The following SLC66A2 variants were observed in gnomAD, a reference collection of about 807,000 sequenced individuals.
SLC66A2 encodes solute carrier family 66 member 2, also known as PQ loop repeat containing 1.
A neutral mutation model predicts 25.5 loss-of-function variants in SLC66A2; 23 were observed. That is an observed-to-expected ratio of 0.90 (90% confidence interval 0.65 to 1.28). SLC66A2 has a LOEUF of 1.28. Among genes scored for constraint, SLC66A2 ranks in the 50% most tolerant of loss-of-function variants. The pLI, the probability that SLC66A2 is intolerant of heterozygous loss-of-function variation, is 0.00. For missense variants in SLC66A2, 396 were observed against 373.1 expected (o/e 1.06, Z -0.51); for synonymous variants, 193 against 166.5 (o/e 1.16, Z -1.23).
At chr18:79,945,176 G>A (rs2050886599) in intron 2 of SLC66A2, 2 of 152,354 alleles carry the variant, frequency 1.3e-5, no homozygotes, top group South Asian at 2.1e-4. Flanking sequence ...GTTCTCCTGG[G>A]AGGACAGGGA....
intron 5 of SLC66A2, among the ~76,000 whole-genome samples, chr18:79,908,068 A>T (rs1982389154): frequency 6.6e-6 from 1 of 152,072 alleles, no homozygotes; most frequent in African/African-American, 2.4e-5. Flanking sequence ...AAACCCCACC[A>T]GACAATGTTA....
In SLC66A2 at chr18:79,903,165, T is replaced by C. The variant is rs1236364360; in HGVS notation, c.*811A>G. The C allele has an allele frequency of 6.6e-6, 1 of 152,338 alleles. No individual in the cohort carries two copies. The highest frequency in any genetic ancestry group is 1.9e-4 in the East Asian group (1 of 5,190). 9.4% of individuals were successfully genotyped at this position (152,338 alleles called of 1,614,324 possible). ...CCGCCAGCAGAGCCCAAGAGTGGCG[T>C]GCAGACTGCATGTGCACAGCCTCAG... On this transcript the variant is annotated 3_prime_UTR_variant, in exon 6 of 6. Transcript: ENST00000397778.
chr18:79,936,515 A>T (rs1408293982), intron 3 of SLC66A2, among the ~76,000 whole-genome samples: 1 of 152,214 alleles, frequency 6.6e-6, no homozygotes, highest in African/African-American at 2.4e-5. Context: ...GAAACCCTTG[A>T]CTAACCAGCA....
At position 79,950,736 on chromosome 18, in the gene SLC66A2, C is replaced by T. The variant is rs1484369347; in HGVS notation, c.191G>A (p.Arg64Gln). 6.2e-7 allele frequency: 1 copy of T among 1,613,052 alleles called. No homozygotes were observed. Among genetic ancestry groups the T allele is most frequent in the African/African-American group, 1.3e-5 (1 of 74,942 alleles). The change falls in exon 2 of 6, where the codon CGG becomes CAG. Residue 64 changes from arginine to glutamine, a missense_variant. Coordinates refer to ENST00000397778, the MANE Select transcript of SLC66A2 (RefSeq NM_025078.5). ...CLVLLVANIL[R>Q]ILFWFGRRFE... ...GCCCCCAACTTACCAGAAGAGTATC[C>T]GCAAAATGTTGGCCACCAGCAGCAC...
chr18:79,928,256 C>G (rs1986205148), intron 4 of SLC66A2, among the ~76,000 whole-genome samples: 1 of 152,240 alleles, frequency 6.6e-6, no homozygotes, highest in African/African-American at 2.4e-5. Flanking sequence ...TTTTGGGCTA[C>G]CTACTTCTAA....
rs1599616861 is a variant in SLC66A2, at chr18:79,934,131, A to T, written c.338-109T>A. 5.5e-6 allele frequency: 4 copies of T among 729,378 alleles called. No individual in the cohort carries two copies. The East Asian group carries it at 1.3e-4, about 23-fold the overall frequency. The allele number at this position is 729,378 out of a possible 1,614,324, so 45.2% of individuals were successfully genotyped here. Reference sequence around the variant, plus strand: ...CCCAGAACTTTTTGCATTTCTTTAAAAAAAAAAAAACAAACCAGAATAGAA... The same window carrying T: ...CCCAGAACTTTTTGCATTTCTTTAATAAAAAAAAAACAAACCAGAATAGAA... On this transcript the variant is annotated intron_variant, in intron 3 of 5. Coordinates refer to ENST00000397778, the MANE Select transcript of SLC66A2 (RefSeq NM_025078.5).
chr18:79,905,875 A>C (rs1426617525), intron 5 of SLC66A2, among the ~76,000 whole-genome samples: 1 of 152,164 alleles, frequency 6.6e-6, no homozygotes, highest in Non-Finnish European at 1.5e-5. Flanking sequence ...CTGTAAACAC[A>C]CACACACCCA....
At chr18:79,905,883 C>A (rs1203215206) in intron 5 of SLC66A2, among the ~76,000 whole-genome samples, 1 of 152,158 alleles carries the variant, frequency 6.6e-6, no homozygotes, top group Non-Finnish European at 1.5e-5. Context: ...ACACACACAC[C>A]CACACACAGA....
chr18:79,911,102 GC>G (rs755579840), intron 5 of SLC66A2, among the ~76,000 whole-genome samples: 1 of 152,240 alleles, frequency 6.6e-6, no homozygotes, highest in African/African-American at 2.4e-5. Flanking sequence ...GAAGAGCAGA[GC>G]CTGGAACAGC....
chr18:79,944,069 C>T (rs1444052469), intron 2 of SLC66A2: 1 of 157,174 alleles, frequency 6.4e-6, no homozygotes, highest in Non-Finnish European at 1.4e-5. Context: ...GTAAGACCCC[C>T]ATACAGCCTG....
intron 3 of SLC66A2, among the ~76,000 whole-genome samples, chr18:79,939,908 A>G (rs536513300): frequency 6.6e-6 from 1 of 152,366 alleles, no homozygotes; most frequent in Admixed American, 6.5e-5. Context: ...CTATAGACAC[A>G]TGCACACATA....
chr18:79,945,843 T>C (rs568518296), intron 2 of SLC66A2, among the ~76,000 whole-genome samples: 1 of 152,278 alleles, frequency 6.6e-6, no homozygotes, highest in East Asian at 1.9e-4. Flanking sequence ...TCCAGGGCCG[T>C]TCTCCACTGG....
rs113759560 is a variant in SLC66A2, at chr18:79,950,715, C to T, written c.203+9G>A. 26,662 of 1,612,722 alleles carry T rather than the reference C, an allele frequency of 0.017. 257 individuals carry two copies. Among genetic ancestry groups the T allele is most frequent in the Non-Finnish European group, 0.019 (22,317 of 1,179,696 alleles). On this transcript the variant is annotated intron_variant, in intron 2 of 5. Coordinates refer to ENST00000397778, the MANE Select transcript of SLC66A2 (RefSeq NM_025078.5). Reference sequence around the variant, plus strand: ...GGGTGCAGCCCAGGAAAGCAAGCCCCCAACTTACCAGAAGAGTATCCGCAA... The same window carrying T: ...GGGTGCAGCCCAGGAAAGCAAGCCCTCAACTTACCAGAAGAGTATCCGCAA...
chr18:79,949,997 G>A (rs2051063506), intron 2 of SLC66A2, among the ~76,000 whole-genome samples: 1 of 152,114 alleles, frequency 6.6e-6, no homozygotes, highest in African/African-American at 2.4e-5. Flanking sequence ...CAAATACAAA[G>A]AGGAAGTTGG....
At position 79,943,330 on chromosome 18, in the gene SLC66A2, T is replaced by A. The variant is rs779001613; in HGVS notation, c.336A>T (p.Thr112=). The A allele has an allele frequency of 6.2e-7, 1 of 1,609,796 alleles. No homozygotes were observed. Among genetic ancestry groups the A allele is most frequent in the South Asian group, 1.1e-5 (1 of 90,954 alleles). ...TATTCCGAAGCGCCGGCCACCAACC[T>A]GTAAAGGAGCGGCGCCTGGCGTTGA... ...NELNARRRSF[T]AADSKDEEVK... is the part of the protein sequence containing the mutation. The change falls in exon 3 of 6, where the codon ACA becomes ACT. Residue 112 remains threonine, a splice_region_variant and synonymous_variant. Transcript: ENST00000397778.
intron 5 of SLC66A2, among the ~76,000 whole-genome samples, chr18:79,909,836 A>G (rs1599491229): frequency 1.1e-5 from 1 of 88,414 alleles, no homozygotes; most frequent in African/African-American, 4.7e-5. Context: ...CCACCACCTC[A>G]CCAGAGTCCC....
chr18:79,903,780 G>A lies in SLC66A2; in HGVS notation c.*196C>T, dbSNP rs1243450085. 3.2e-5 allele frequency: 18 copies of A among 556,376 alleles called. No homozygotes were observed. Among genetic ancestry groups the A allele is most frequent in the African/African-American group, 5.9e-5 (3 of 51,068 alleles). 34.5% of individuals were successfully genotyped at this position (556,376 alleles called of 1,614,324 possible). On this transcript the variant is annotated 3_prime_UTR_variant, in exon 6 of 6. Transcript: ENST00000397778. ...GGCCAGATCAACCCTGGCTGTCCCC[G>A]CTGAGCACAAACAGCGTCCCAGCCC...
At chr18:79,929,255 C>A (rs1246838688) in intron 4 of SLC66A2, among the ~76,000 whole-genome samples, 1 of 152,178 alleles carries the variant, frequency 6.6e-6, no homozygotes, top group Admixed American at 6.5e-5. Flanking sequence ...GGGAATACAT[C>A]CCCCAGGGCA....
At position 79,903,661 on chromosome 18, in the gene SLC66A2, CA is replaced by C. The variant is rs1423060402; in HGVS notation, c.*314del. 1 of 383,122 alleles carries C rather than the reference CA, an allele frequency of 2.6e-6. No individual in the cohort carries two copies. Among genetic ancestry groups the C allele is most frequent in the African/African-American group, 2.1e-5 (1 of 46,528 alleles). 23.7% of individuals were successfully genotyped at this position (383,122 alleles called of 1,614,324 possible). On this transcript the variant is annotated 3_prime_UTR_variant, in exon 6 of 6. Transcript: ENST00000397778. ...CTGGAGCAGGTTCCTGCAGGCCGCC[CA>C]ATGTGTACCTTGGGCTCAGACGGTG...
Sources: gnomAD v4.1 joint callset for allele counts (sites outside exome capture counted in the v4.1 genomes callset) on GRCh38, gnomAD v4.1.1 for gene constraint, MANE v1.5 for transcripts, NCBI Gene and HGNC (gene_info 2026-07-23, HGNC 2026-07-21) for gene names.